SZT2: variants seen among roughly 807,000 people sequenced by gnomAD.
SZT2 encodes SZT2 subunit of KICSTOR complex.
In SZT2, 216 loss-of-function variants were observed where a neutral mutation model predicts 404.2. That is an observed-to-expected ratio of 0.53 (90% CI 0.48 to 0.60). The LOEUF is 0.60. Ranked by LOEUF, SZT2 falls within the 20% of genes least tolerant of loss-of-function variation. The probability of loss-of-function intolerance (pLI) is 0.00; values close to 1 mark genes in which losing one functional copy is unlikely to be tolerated. For missense variants in SZT2, 3,857 were observed against 4,459.2 expected (o/e 0.86, Z 3.85); for synonymous variants, 1,693 against 1,749.9 (o/e 0.97, Z 0.81).
chr1:43,411,705 G>GA (rs1307175547), intron 4 of SZT2, among the ~76,000 whole-genome samples: 1 of 141,864 alleles, frequency 7.0e-6, no homozygotes, highest in East Asian at 2.2e-4. Context: ...GGGGAAGAAT[G>GA]AAAAACAAAA....
At chr1:43,434,620 A>G (rs1654274090) in intron 41 of SZT2, 135 bp downstream of exon 41, 1 of 801,672 alleles carries the variant, frequency 1.2e-6, no homozygotes, top group Non-Finnish European at 2.0e-6. Flanking sequence ...CCCAGTTAGT[A>G]GGATGCTGTT....
chr1:43,439,798 G>A lies in SZT2; in HGVS notation c.7042+29G>A. On this transcript the variant is annotated intron_variant, in intron 50 of 71. Coordinates refer to ENST00000634258, the MANE Select transcript of SZT2 (RefSeq NM_001365999.1). The surrounding 1 kb of genome is among the most constrained non-coding windows in gnomAD (Gnocchi z 4.2). ...GGACAGCTTGGTCAGAGGATGAGGT[G>A]TTCAGTTATTGCTGTGGGAGGTAAG... The A allele has an allele frequency of 5.7e-6, 9 of 1,568,090 alleles. No individual in the cohort carries two copies. Among genetic ancestry groups the A allele is most frequent in the Non-Finnish European group, 7.8e-6 (9 of 1,155,048 alleles).
chr1:43,431,009 TCA>T lies in SZT2; in HGVS notation c.4836_4837del (p.Ser1613CysfsTer30), dbSNP rs1320767250. 6.2e-7 allele frequency: 1 copy of T among 1,614,062 alleles called. No individual in the cohort carries two copies. Among genetic ancestry groups the T allele is most frequent in the Non-Finnish European group, 8.5e-7 (1 of 1,180,036 alleles). ...GGAGGCCGAGTTCCCTTGAGGGACCTCAGTGTGACTCTGGATGTCTTCATGCT... is the reference window on the plus strand; with the variant it reads ...GGAGGCCGAGTTCCCTTGAGGGACCTGTGTGACTCTGGATGTCTTCATGCT... On this transcript the variant is annotated frameshift_variant, in exon 33 of 72. Coordinates refer to ENST00000634258, the MANE Select transcript of SZT2 (RefSeq NM_001365999.1). LOFTEE classifies it high-confidence loss of function.
chr1:43,452,414 C>G lies in SZT2; in HGVS notation c.*1934C>G, dbSNP rs1256563902. 1 of 963,972 alleles carries G rather than the reference C, an allele frequency of 1.0e-6. No individual in the cohort carries two copies. 59.7% of individuals were successfully genotyped at this position (963,972 alleles called of 1,614,324 possible). On this transcript the variant is annotated 3_prime_UTR_variant, in exon 72 of 72. Transcript: ENST00000634258. ...CTGTGCCAGCCCTCGTCCGTCTCCC[C>G]AGGTCTCCAGTCCATGGCACCTGGG...
In SZT2 at chr1:43,420,833, T is replaced by C; in HGVS notation, c.1346T>C (p.Leu449Pro). The stretch of plus-strand genomic sequence containing the variant: ...TATGTGGCTATGGCACCCTGGCCCC[T>C]GGAGCCTGAGGGCCCTCGAGTAACA... ...IEYVAMAPWP[L>P]EPEGPRVTRV... is the part of the protein sequence containing the mutation. Residue 449 changes from leucine to proline, a missense_variant, in exon 10 of 72, where the codon CTG becomes CCG. Physicochemically the swap from Leu to Pro is moderately conservative, Grantham distance 98. Around this residue, in one of 7 missense-constraint regions of SZT2, gnomAD observed 536 missense variants for 637.4 expected, o/e 0.84. Transcript: ENST00000634258. The surrounding 1 kb of genome is among the most constrained non-coding windows in gnomAD (Gnocchi z 5.1). 1.3e-6 allele frequency: 2 copies of C among 1,598,496 alleles called. No individual in the cohort carries two copies. The highest frequency in any genetic ancestry group is 1.7e-6 in the Non-Finnish European group (2 of 1,179,814).
chr1:43,429,710 A>C lies in SZT2; in HGVS notation c.4174A>C (p.Thr1392Pro). ...AILASESSIE[T>P]EDLSEPEFQS... is the part of the protein sequence containing the mutation. ...CTTACCCCAACCATTCAGCATAGAG[A>C]CCGAGGACCTAAGCGAGCCTGAGTT... The change falls in exon 29 of 72, where the codon ACC becomes CCC. Residue 1392 changes from threonine to proline, a missense_variant. Around this residue, in one of 7 missense-constraint regions of SZT2, gnomAD observed 1,725 missense variants for 1,881.0 expected, o/e 0.92. Coordinates refer to ENST00000634258, the MANE Select transcript of SZT2 (RefSeq NM_001365999.1). 1 of 1,614,156 alleles carries C rather than the reference A, an allele frequency of 6.2e-7. No individual in the cohort carries two copies. Among genetic ancestry groups the C allele is most frequent in the Non-Finnish European group, 8.5e-7 (1 of 1,180,032 alleles).
At chr1:43,438,889 C>A (rs765651934) in intron 47 of SZT2, 40 bp from the exon 48 acceptor site, 5 of 1,613,532 alleles carry the variant, frequency 3.1e-6, no homozygotes, top group Non-Finnish European at 4.2e-6. Flanking sequence ...TAGGCTGGAA[C>A]TTCTGCATTC....
At position 43,422,805 on chromosome 1, in the gene SZT2, C is replaced by G. The variant is rs1652565529; in HGVS notation, c.1959C>G (p.Val653=). 6.3e-7 allele frequency: 1 copy of G among 1,593,720 alleles called. No homozygotes were observed. The highest frequency in any genetic ancestry group is 1.3e-5 in the African/African-American group (1 of 74,694). ...AGCCCCCCAATTCCTTCTACATGGT[C>G]CGTATCATTTCCAAGGCCCCATGCA... ...PDQPPNSFYM[V]RIISKAPCMV... The change falls in exon 14 of 72, where the codon GTC becomes GTG. Residue 653 remains valine, a synonymous_variant. Transcript: ENST00000634258.
chr1:43,450,189 G>A lies in SZT2; in HGVS notation c.10155+18G>A, dbSNP rs757881485. On this transcript the variant is annotated intron_variant, in intron 71 of 71. Transcript: ENST00000634258. This position sits in a 1 kb window ranked among gnomAD's most constrained non-coding sequence, Gnocchi z 4.3. Reference sequence around the variant, plus strand: ...GAAAGACGGTAAGAACGAGTGGGGGGCTTTGTGTCAGCCTCATGGGAGGCC... The same window carrying A: ...GAAAGACGGTAAGAACGAGTGGGGGACTTTGTGTCAGCCTCATGGGAGGCC... The A allele has an allele frequency of 9.3e-6, 15 of 1,614,084 alleles. No homozygotes were observed. Among genetic ancestry groups the A allele is most frequent in the South Asian group, 8.8e-5 (8 of 91,078 alleles).
intron 3 of SZT2, 153 bp from the exon 4 acceptor site, chr1:43,404,227 A>T: frequency 1.5e-6 from 1 of 669,532 alleles, no homozygotes; most frequent in Non-Finnish European, 2.5e-6. Context: ...GTTTCCAAAA[A>T]ACACCCCAGA....
intron 1 of SZT2, among the ~76,000 whole-genome samples, chr1:43,398,752 G>C (rs774611080): frequency 6.6e-6 from 1 of 152,176 alleles, no homozygotes; most frequent in African/African-American, 2.4e-5. Flanking sequence ...TGGTAGTCAG[G>C]AATAACTATC....
chr1:43,420,810 T>C lies in SZT2; in HGVS notation c.1323T>C (p.Tyr441=), dbSNP rs766876907. The change falls in exon 10 of 72, where the codon TAT becomes TAC. Residue 441 remains tyrosine, a synonymous_variant. Transcript: ENST00000634258. This position sits in a 1 kb window ranked among gnomAD's most constrained non-coding sequence, Gnocchi z 5.1. ...GGAAACACAACATGCGCATTGAGTATGTGGCTATGGCACCCTGGCCCCTGG... is the reference window on the plus strand; with the variant it reads ...GGAAACACAACATGCGCATTGAGTACGTGGCTATGGCACCCTGGCCCCTGG... ...LLWKHNMRIE[Y]VAMAPWPLEP... 1 of 1,598,336 alleles carries C rather than the reference T, an allele frequency of 6.3e-7. No homozygotes were observed. Among genetic ancestry groups the C allele is most frequent in the African/African-American group, 1.3e-5 (1 of 74,920 alleles).
intron 11 of SZT2, among the ~76,000 whole-genome samples, 195 bp from the exon 12 acceptor site, chr1:43,421,888 C>T (rs2153932403): frequency 6.6e-6 from 1 of 152,278 alleles, no homozygotes; most frequent in South Asian, 2.1e-4. Context: ...ACAGTCTGTC[C>T]CTGGGCTCAG....
At position 43,420,899 on chromosome 1, in the gene SZT2, A is replaced by G; in HGVS notation, c.1412A>G (p.His471Arg). 6.3e-7 allele frequency: 1 copy of G among 1,598,454 alleles called. No individual in the cohort carries two copies. Among genetic ancestry groups the G allele is most frequent in the Non-Finnish European group, 8.5e-7 (1 of 1,179,804 alleles). The change falls in exon 10 of 72, where the codon CAT becomes CGT. Residue 471 changes from histidine (H) to arginine (R), a missense_variant. His to Arg is a conservative substitution (Grantham distance 29). Coordinates refer to ENST00000634258, the MANE Select transcript of SZT2 (RefSeq NM_001365999.1). The surrounding 1 kb of genome is among the most constrained non-coding windows in gnomAD (Gnocchi z 5.1). The part of the protein sequence containing the change: ...VTMEGGYDIL[H>R]DVSCALRQPI... The stretch of plus-strand genomic sequence containing the variant: ...ATGGAAGGCGGCTACGACATTTTGC[A>G]TGATGTGTCCTGTGCACTAAGGCAG...
At position 43,452,345 on chromosome 1, in the gene SZT2, T is replaced by A; in HGVS notation, c.*1865T>A. ...CTGTGGGGAAGATGGACTGGAGGCC[T>A]TGCCTCCCTTGGCTCTCTCTGCACC... On this transcript the variant is annotated 3_prime_UTR_variant, in exon 72 of 72. Transcript: ENST00000634258. 4 of 1,544,840 alleles carry A rather than the reference T, an allele frequency of 2.6e-6. No individual in the cohort carries two copies. Among genetic ancestry groups the A allele is most frequent in the African/African-American group, 1.4e-5 (1 of 73,638 alleles).
chr1:43,396,516 C>G (rs1447798648), intron 1 of SZT2, among the ~76,000 whole-genome samples: 1 of 152,150 alleles, frequency 6.6e-6, no homozygotes, highest in Non-Finnish European at 1.5e-5. Flanking sequence ...GCAAAAAAAA[C>G]AAAGAAACAA....
intron 4 of SZT2, among the ~76,000 whole-genome samples, chr1:43,409,011 A>C (rs1472091895): frequency 6.6e-6 from 1 of 152,192 alleles, no homozygotes; most frequent in Non-Finnish European, 1.5e-5. Flanking sequence ...TGCTGGGTCT[A>C]TATACAATTT....
chr1:43,389,949 C>G lies in SZT2; in HGVS notation c.-20C>G. The G allele has an allele frequency of 2.7e-6, 4 of 1,461,072 alleles. No homozygotes were observed. Among genetic ancestry groups the G allele is most frequent in the African/African-American group, 2.9e-5 (2 of 69,570 alleles). The allele number at this position is 1,461,072 out of a possible 1,614,324, so 90.5% of individuals were successfully genotyped here. On this transcript the variant is annotated 5_prime_UTR_variant, in exon 1 of 72. Transcript: ENST00000634258. ...GTGGAACACCCTCACTGGCCCGGGC[C>G]GGCGCGGGAGGGCTGTGTGATGGCC...
intron 11 of SZT2, 137 bp from the exon 12 acceptor site, chr1:43,421,946 C>T: frequency 4.3e-6 from 4 of 928,620 alleles, no homozygotes; most frequent in South Asian, 2.1e-5. Context: ...GCCTGTGCTT[C>T]AGGCTGGGCT....
Sources: allele counts gnomAD v4.1 joint callset (sites outside exome capture counted in the v4.1 genomes callset), GRCh38; gene constraint gnomAD v4.1.1; regional missense constraint gnomAD v4.1.1; non-coding constraint Gnocchi (gnomAD v3.1); transcripts MANE v1.5; gene names NCBI Gene and HGNC (gene_info 2026-07-23, HGNC 2026-07-21).